Variants in EPHA6 observed in about 807,000 individuals in gnomAD.
EPHA6 encodes the protein ephrin type-A receptor 6.
In EPHA6, 50 loss-of-function variants were observed where a neutral mutation model predicts 112.0. That is an observed-to-expected ratio of 0.45 (90% CI 0.36 to 0.56). EPHA6 has a LOEUF of 0.56. EPHA6 is among the 20% of genes least tolerant of loss of function. EPHA6 has a pLI of 0.00. For missense variants in EPHA6, 1,280 were observed against 1,417.4 expected (o/e 0.90, Z 1.56); for synonymous variants, 529 against 490.7 (o/e 1.08, Z -1.03).
intron 1 of EPHA6, among the ~76,000 whole-genome samples, chr3:96,828,305 A>G (rs2107258588): frequency 6.6e-6 from 1 of 152,240 alleles, no homozygotes. Context: ...ATTCCTTCAG[A>G]GGAGATAACG....
intron 10 of EPHA6, among the ~76,000 whole-genome samples, chr3:97,514,858 G>C (rs991491023): frequency 1.3e-5 from 2 of 152,128 alleles, no homozygotes; most frequent in African/African-American, 4.8e-5. Context: ...CTCTTATCAG[G>C]AGCCGAACTG....
chr3:97,155,656 G>T lies in EPHA6; in HGVS notation c.1115-70608G>T, dbSNP rs149225639. Among the ~76,000 whole-genome samples the T allele has an allele frequency of 2.2e-4, 34 of 152,244 alleles. 1 individual carries two copies. The East Asian group carries it at 6.0e-3, about 27-fold the overall frequency. ...TACTAGGAAGCTCTGGGGAGAATCT[G>T]CTTCCAAGCTCATTTGAGTTGTTGG... On this transcript the variant is annotated intron_variant, in intron 3 of 17. Transcript: ENST00000389672.
At chr3:97,549,305 A>G (rs2092998263) in intron 11 of EPHA6, among the ~76,000 whole-genome samples, 1 of 152,084 alleles carries the variant, frequency 6.6e-6, no homozygotes, top group African/African-American at 2.4e-5. Context: ...AATGTGCAAA[A>G]TCCACTGCTA....
At position 96,975,839 on chromosome 3, in the gene EPHA6, C is replaced by T. The variant is rs375883022; in HGVS notation, c.451-11491C>T. ...AGGTCATGAAAACAGAAATTATTTG[C>T]AAGATTTTCTTCCCTGCAGAAACAT... On this transcript the variant is annotated intron_variant, in intron 2 of 17. Transcript: ENST00000389672. Among the ~76,000 whole-genome samples the T allele has an allele frequency of 8.5e-5, 13 of 152,208 alleles. No homozygotes were observed. In the South Asian group the frequency reaches 1.7e-3, roughly 19 times the overall value.
intron 3 of EPHA6, among the ~76,000 whole-genome samples, chr3:96,998,977 T>C (rs969558938): frequency 2.6e-5 from 4 of 151,960 alleles, no homozygotes; most frequent in African/African-American, 9.7e-5. Flanking sequence ...TTGTTAACTT[T>C]TTCGTTCTTA....
intron 5 of EPHA6, among the ~76,000 whole-genome samples, chr3:97,324,021 T>A (rs1050127806): frequency 1.3e-5 from 2 of 151,958 alleles, no homozygotes. Context: ...TGAGTGACCG[T>A]CCATAGCAAG....
At chr3:97,487,594 T>G (rs1277060459) in intron 10 of EPHA6, among the ~76,000 whole-genome samples, 3 of 152,198 alleles carry the variant, frequency 2.0e-5, no homozygotes, top group Admixed American at 6.5e-5. Context: ...CCATAAAAAT[T>G]TAATTTTTCT....
At chr3:96,916,063 A>C (rs886659678) in intron 2 of EPHA6, among the ~76,000 whole-genome samples, 1 of 152,144 alleles carries the variant, frequency 6.6e-6, no homozygotes, top group African/African-American at 2.4e-5. Context: ...AATGCTGTTC[A>C]TCAAGTGCTA....
intron 3 of EPHA6, among the ~76,000 whole-genome samples, chr3:97,092,015 G>A (rs972629585): frequency 6.6e-6 from 1 of 151,090 alleles, no homozygotes; most frequent in African/African-American, 2.4e-5. Flanking sequence ...CTGTGATAGG[G>A]AACTTGGTGT....
chr3:97,156,775 ATTTTC>A (rs1436157757), intron 3 of EPHA6, among the ~76,000 whole-genome samples: 1 of 152,094 alleles, frequency 6.6e-6, no homozygotes, highest in Admixed American at 6.6e-5. Context: ...TCAGTTTAAT[ATTTTC>A]TTCTATTTGA....
At chr3:97,031,879 G>A (rs373413223) in intron 3 of EPHA6, among the ~76,000 whole-genome samples, 1 of 152,156 alleles carries the variant, frequency 6.6e-6, no homozygotes, top group African/African-American at 2.4e-5. Flanking sequence ...CATTGTGGAA[G>A]TCAGTGTGGC....
At chr3:97,219,335 C>T (rs1256799184) in intron 3 of EPHA6, among the ~76,000 whole-genome samples, 1 of 152,144 alleles carries the variant, frequency 6.6e-6, no homozygotes, top group Non-Finnish European at 1.5e-5. Flanking sequence ...TCCATGAGGG[C>T]TCCACCCCTG....
At chr3:97,422,878 A>G (rs2107193336) in intron 6 of EPHA6, among the ~76,000 whole-genome samples, 1 of 152,278 alleles carries the variant, frequency 6.6e-6, no homozygotes, top group African/African-American at 2.4e-5. Flanking sequence ...AATGTGATTC[A>G]GTAAATAAAA....
intron 11 of EPHA6, among the ~76,000 whole-genome samples, chr3:97,571,240 G>C (rs2093329746): frequency 6.6e-6 from 1 of 152,088 alleles, no homozygotes; most frequent in Admixed American, 6.5e-5. Flanking sequence ...AATCAGGAAA[G>C]AGTAGAAGCA....
chr3:96,885,708 T>A (rs957747645), intron 2 of EPHA6, among the ~76,000 whole-genome samples: 9 of 152,276 alleles, frequency 5.9e-5, no homozygotes, highest in Non-Finnish European at 8.8e-5. Context: ...GTAATTTTTT[T>A]AATTTCAATT....
chr3:97,085,284 G>A (rs1431185581), intron 3 of EPHA6, among the ~76,000 whole-genome samples: 1 of 152,144 alleles, frequency 6.6e-6, no homozygotes, highest in African/African-American at 2.4e-5. Flanking sequence ...GTTAGGAAAT[G>A]TGTGTCCTCT....
chr3:97,285,414 A>G (rs2080431850), intron 5 of EPHA6, among the ~76,000 whole-genome samples: 1 of 151,912 alleles, frequency 6.6e-6, no homozygotes, highest in Admixed American at 6.6e-5. Context: ...CTATCATTCT[A>G]CTCTCTACCT....
intron 3 of EPHA6, among the ~76,000 whole-genome samples, chr3:97,039,100 A>G (rs967876849): frequency 1.3e-5 from 2 of 152,076 alleles, no homozygotes; most frequent in African/African-American, 2.4e-5. Context: ...ATGGGCTGGA[A>G]ATGTTTATCT....
chr3:97,541,367 C>T lies in EPHA6; in HGVS notation c.2386+8824C>T, dbSNP rs148999961. On this transcript the variant is annotated intron_variant, in intron 11 of 17. Coordinates refer to ENST00000389672, the MANE Select transcript of EPHA6 (RefSeq NM_001080448.3). ...CTGTAATTTTAGTATTTTGCATAATCATAAGATTATTTTCAAAACCAAAAA... is the reference window on the plus strand; with the variant it reads ...CTGTAATTTTAGTATTTTGCATAATTATAAGATTATTTTCAAAACCAAAAA... 3.8e-3 allele frequency among the ~76,000 whole-genome samples: 572 copies of T among 152,184 alleles called. 6 individuals carry two copies. Among genetic ancestry groups the T allele is most frequent in the African/African-American group, 0.012 (504 of 41,528 alleles).
Sources: gnomAD v4.1 joint callset for allele counts (sites outside exome capture counted in the v4.1 genomes callset) on GRCh38, gnomAD v4.1.1 for gene constraint, MANE v1.5 for transcripts, NCBI Gene and HGNC (gene_info 2026-07-23, HGNC 2026-07-21) for gene names.